Variants in PCDHA4 observed in about 807,000 individuals in gnomAD.
PCDHA4 encodes protocadherin alpha-4.
Under a neutral mutation model 61.4 loss-of-function variants are expected in PCDHA4, and 49 were observed. That is an observed-to-expected ratio of 0.80 (90% CI 0.63 to 1.01). The LOEUF is 1.01. PCDHA4 is among the 50% of genes least tolerant of loss of function. The pLI, the probability that PCDHA4 is intolerant of heterozygous loss-of-function variation, is 0.00. For missense variants in PCDHA4, 1,254 were observed against 1,235.8 expected (o/e 1.01, Z -0.22); for synonymous variants, 590 against 550.3 (o/e 1.07, Z -1.01).
At chr5:140,958,844 G>A (rs533464436) in intron 1 of PCDHA4, among the ~76,000 whole-genome samples, 81 of 152,122 alleles carry the variant, frequency 5.3e-4, no homozygotes, top group African/African-American at 1.9e-3. Context: ...TATCATTCCA[G>A]TGTCTTTGGT....
At chr5:140,879,813 T>C in intron 1 of PCDHA4, among the ~76,000 whole-genome samples, 1 of 152,346 alleles carries the variant, frequency 6.6e-6, no homozygotes, top group African/African-American at 2.4e-5. Flanking sequence ...CTATTGGCTG[T>C]TGGTGTTCCC....
intron 1 of PCDHA4, among the ~76,000 whole-genome samples, chr5:140,897,443 G>GT (rs1562897655): frequency 6.7e-6 from 1 of 149,986 alleles, no homozygotes; most frequent in Non-Finnish European, 1.5e-5. Flanking sequence ...GCAGTGTTTG[G>GT]TTTTTTGTCC....
chr5:140,979,807 A>T (rs376087021), intron 2 of PCDHA4, among the ~76,000 whole-genome samples: 2 of 152,258 alleles, frequency 1.3e-5, no homozygotes, highest in African/African-American at 4.8e-5. Flanking sequence ...CACAACTATC[A>T]AAAGGATTTA....
At chr5:140,835,820 G>T (rs2150245687) in intron 1 of PCDHA4, 1 of 1,612,676 alleles carries the variant, frequency 6.2e-7, no homozygotes, top group South Asian at 1.1e-5. Flanking sequence ...CTGTGTCGGC[G>T]GGGGACGCGG....
intron 1 of PCDHA4, among the ~76,000 whole-genome samples, chr5:140,894,005 G>A (rs1365314012): frequency 6.6e-6 from 1 of 152,072 alleles, no homozygotes; most frequent in Non-Finnish European, 1.5e-5. Context: ...TGTATGGTTG[G>A]TTCAAATTAC....
chr5:140,981,791 C>G (rs564396430), intron 2 of PCDHA4, among the ~76,000 whole-genome samples: 2 of 152,000 alleles, frequency 1.3e-5, no homozygotes, highest in Non-Finnish European at 2.9e-5. Flanking sequence ...GTTCTCTTTT[C>G]CCTTGAACAG....
intron 1 of PCDHA4, among the ~76,000 whole-genome samples, chr5:140,922,635 C>G (rs1403011776): frequency 6.6e-6 from 1 of 152,118 alleles, no homozygotes; most frequent in Non-Finnish European, 1.5e-5. Context: ...ATAAGCCACT[C>G]CATCAAACAG....
intron 1 of PCDHA4, among the ~76,000 whole-genome samples, chr5:140,884,903 T>C (rs1462790087): frequency 1.3e-5 from 2 of 152,268 alleles, no homozygotes; most frequent in Admixed American, 1.3e-4. Flanking sequence ...GTTTCTGTTG[T>C]ATTCTTAATA....
intron 1 of PCDHA4, chr5:140,816,740 A>T (rs2126674526): frequency 5.3e-4 from 81 of 151,982 alleles, no homozygotes; most frequent in African/African-American, 1.9e-3. Context: ...TTTTCTGTGG[A>T]TGCATCTTCT....
chr5:140,987,398 A>G (rs935672912), intron 3 of PCDHA4, among the ~76,000 whole-genome samples: 4 of 152,140 alleles, frequency 2.6e-5, no homozygotes, highest in African/African-American at 9.7e-5. Context: ...CAAGGAAGCC[A>G]TCTGTTTATG....
intron 1 of PCDHA4, chr5:140,852,486 C>A: frequency 4.8e-6 from 1 of 209,724 alleles, no homozygotes; most frequent in Non-Finnish European, 9.1e-6. Flanking sequence ...TCATGTTGGC[C>A]AGGTTGGTCT....
intron 1 of PCDHA4, chr5:140,821,721 C>T: frequency 2.7e-6 from 4 of 1,501,544 alleles, no homozygotes; most frequent in Non-Finnish European, 2.7e-6. Flanking sequence ...ATTGAATTTA[C>T]AAAATACATT....
intron 1 of PCDHA4, among the ~76,000 whole-genome samples, chr5:140,954,141 T>C (rs1344784554): frequency 2.0e-5 from 3 of 152,208 alleles, no homozygotes; most frequent in Non-Finnish European, 4.4e-5. Flanking sequence ...TGCATAGTAT[T>C]CCATGGTGTA....
intron 1 of PCDHA4, chr5:140,817,339 T>C (rs1238360865): frequency 6.6e-6 from 1 of 152,278 alleles, no homozygotes; most frequent in Non-Finnish European, 1.5e-5. Context: ...TTACACTTGC[T>C]TGGAGCCCAG....
chr5:140,895,861 G>C (rs1248344470), intron 1 of PCDHA4, among the ~76,000 whole-genome samples: 2 of 152,184 alleles, frequency 1.3e-5, no homozygotes, highest in African/African-American at 4.8e-5. Context: ...CCCCAGGCTG[G>C]AGTGCAATGG....
intron 3 of PCDHA4, among the ~76,000 whole-genome samples, chr5:141,006,584 GA>G (rs1353712503): frequency 6.6e-6 from 1 of 152,126 alleles, no homozygotes; most frequent in Non-Finnish European, 1.5e-5. Context: ...GAGGGTTGGA[GA>G]GAAGCAAAAG....
intron 1 of PCDHA4, among the ~76,000 whole-genome samples, chr5:140,951,140 C>G (rs1322025119): frequency 9.9e-6 from 1 of 100,842 alleles, no homozygotes; most frequent in Non-Finnish European, 2.0e-5. Context: ...TTTCCTTTAT[C>G]TTATTGAATA....
chr5:141,004,045 G>T (rs1588047334), intron 3 of PCDHA4, among the ~76,000 whole-genome samples: 1 of 152,222 alleles, frequency 6.6e-6, no homozygotes, highest in East Asian at 1.9e-4. Flanking sequence ...TTGATCATTT[G>T]CTGATACTGG....
chr5:140,853,476 A>G (rs2042763502), intron 1 of PCDHA4: 2 of 972,352 alleles, frequency 2.1e-6, no homozygotes, highest in South Asian at 4.8e-5. Context: ...TGTAGTTAAC[A>G]TTCCTCAATT....
Sources: gnomAD v4.1 joint callset for allele counts (sites outside exome capture counted in the v4.1 genomes callset) on GRCh38, gnomAD v4.1.1 for gene constraint, MANE v1.5 for transcripts, NCBI Gene and HGNC (gene_info 2026-07-23, HGNC 2026-07-21) for gene names.